The following GALNT18 variants were observed in gnomAD, a reference collection of about 807,000 sequenced individuals.
GALNT18 encodes GalNAc-transferase 18.
GALNT18 carries 44 observed loss-of-function variants against 69.5 expected under a neutral mutation model. The ratio of observed to expected loss-of-function variants is 0.63; its 90% confidence interval spans 0.50 to 0.81. GALNT18 has a LOEUF of 0.81. GALNT18 is among the 40% of genes least tolerant of loss of function. GALNT18 has a pLI of 0.00. For synonymous variants in GALNT18, 364 were observed against 318.2 expected (o/e 1.14, Z -1.53); for missense variants, 715 against 810.0 (o/e 0.88, Z 1.42).
In GALNT18 at chr11:11,600,667, A is replaced by G. The variant is rs1859611352; in HGVS notation, c.235+20692T>C. The stretch of plus-strand genomic sequence containing the variant: ...GAACCTTGTTGAGCTTCTTGGATAT[A>G]AAGATTAATATTCTTTCTCAAATTT... On this transcript the variant is annotated intron_variant, in intron 1 of 10. Transcript: ENST00000227756. This position sits in a 1 kb window ranked among gnomAD's most constrained non-coding sequence, Gnocchi z 4.8. Among the ~76,000 whole-genome samples the G allele has an allele frequency of 6.6e-6, 1 of 152,124 alleles. No homozygotes were observed. Among genetic ancestry groups the G allele is most frequent in the African/African-American group, 2.4e-5 (1 of 41,452 alleles).
chr11:11,302,715 G>T (rs922166052), intron 9 of GALNT18, among the ~76,000 whole-genome samples: 2 of 152,246 alleles, frequency 1.3e-5, no homozygotes, highest in African/African-American at 4.8e-5. Flanking sequence ...CGTGCTGCTG[G>T]CAGAACAAAA....
rs115424538 is a variant in GALNT18 at position 11,286,276 on chromosome 11, A to G, written c.1677+6753T>C. On this transcript the variant is annotated intron_variant, in intron 10 of 10. Coordinates refer to ENST00000227756, the MANE Select transcript of GALNT18 (RefSeq NM_198516.3). ...ATGCAATATGCATATCTGTTTTAGTATAAAATATTTCCACCTCTCTCCTCC... is the reference window on the plus strand; with the variant it reads ...ATGCAATATGCATATCTGTTTTAGTGTAAAATATTTCCACCTCTCTCCTCC... 2.5e-3 allele frequency among the ~76,000 whole-genome samples: 381 copies of G among 152,360 alleles called. 1 individual carries two copies. The highest frequency in any genetic ancestry group is 8.7e-3 in the African/African-American group (361 of 41,582).
At position 11,620,575 on chromosome 11, in the gene GALNT18, C is replaced by G. The variant is rs1204003904; in HGVS notation, c.235+784G>C. 6.6e-6 allele frequency among the ~76,000 whole-genome samples: 1 copy of G among 152,166 alleles called. No homozygotes were observed. Among genetic ancestry groups the G allele is most frequent in the Middle Eastern group, 3.2e-3 (1 of 316 alleles). ...CTGAGAGTGGAGCTACAGTAGGGAT[C>G]GGCCTTCACCCGGTCCCGGGCGGCT... On this transcript the variant is annotated intron_variant, in intron 1 of 10. Coordinates refer to ENST00000227756, the MANE Select transcript of GALNT18 (RefSeq NM_198516.3). The surrounding 1 kb of genome is among the most constrained non-coding windows in gnomAD (Gnocchi z 6.9).
At chr11:11,561,819 G>A (rs1858515409) in intron 1 of GALNT18, among the ~76,000 whole-genome samples, 1 of 152,188 alleles carries the variant, frequency 6.6e-6, no homozygotes, top group Non-Finnish European at 1.5e-5. Context: ...TGCCTACTTG[G>A]AAAGCAAAGA....
rs939939906 is a variant in GALNT18 at position 11,604,742 on chromosome 11, G to A, written c.235+16617C>T. ...AATTTGGGAAGCTTTTCTGCCCCAG[G>A]GAAGAATCAGCCTCAATGACAGTTT... On this transcript the variant is annotated intron_variant, in intron 1 of 10. Coordinates refer to ENST00000227756, the MANE Select transcript of GALNT18 (RefSeq NM_198516.3). The surrounding 1 kb of genome is among the most constrained non-coding windows in gnomAD (Gnocchi z 5.6). Among the ~76,000 whole-genome samples, 3 of 152,102 alleles carry A rather than the reference G, an allele frequency of 2.0e-5. No homozygotes were observed. The highest frequency in any genetic ancestry group is 6.5e-5 in the Admixed American group (1 of 15,270).
intron 1 of GALNT18, among the ~76,000 whole-genome samples, chr11:11,501,309 G>C (rs1322549538): frequency 6.6e-6 from 1 of 152,168 alleles, no homozygotes; most frequent in African/African-American, 2.4e-5. Flanking sequence ...ATTTAACCAA[G>C]ACATCGATGG....
At chr11:11,328,235 G>T (rs1406756041) in intron 8 of GALNT18, among the ~76,000 whole-genome samples, 1 of 152,200 alleles carries the variant, frequency 6.6e-6, no homozygotes, top group East Asian at 1.9e-4. Context: ...ATGTCCAGCT[G>T]CATTTCACTT....
At position 11,541,905 on chromosome 11, in the gene GALNT18, G is replaced by A. The variant is rs1226486411; in HGVS notation, c.235+79454C>T. On this transcript the variant is annotated intron_variant, in intron 1 of 10. Coordinates refer to ENST00000227756, the MANE Select transcript of GALNT18 (RefSeq NM_198516.3). The surrounding 1 kb of genome is among the most constrained non-coding windows in gnomAD (Gnocchi z 4.8). ...CCAGAGAGCTGTCCTGACACACCTC[G>A]CTGGCCACAACCTCCTGCAGGAGAA... 6.6e-6 allele frequency among the ~76,000 whole-genome samples: 1 copy of A among 152,016 alleles called. No homozygotes were observed. The highest frequency in any genetic ancestry group is 1.5e-5 in the Non-Finnish European group (1 of 68,004).
chr11:11,530,619 C>G lies in GALNT18; in HGVS notation c.236-81683G>C, dbSNP rs28474778. ...AGACTAAGGAGTTCTCCAGACCTCC[C>G]AGACCACATAGAGCTGGGACTGGAG... On this transcript the variant is annotated intron_variant, in intron 1 of 10. Coordinates refer to ENST00000227756, the MANE Select transcript of GALNT18 (RefSeq NM_198516.3). Among the ~76,000 whole-genome samples the G allele has an allele frequency of 2.2e-3, 328 of 152,354 alleles. 4 individuals are homozygous for G. Among genetic ancestry groups the G allele is most frequent in the African/African-American group, 7.7e-3 (319 of 41,578 alleles).
intron 1 of GALNT18, among the ~76,000 whole-genome samples, chr11:11,502,801 G>A (rs1010526209): frequency 1.2e-4 from 19 of 152,208 alleles, no homozygotes; most frequent in Non-Finnish European, 2.6e-4. Flanking sequence ...GAGAGGCGTA[G>A]CGTATCCTCA....
chr11:11,575,580 G>A (rs531787034), intron 1 of GALNT18, among the ~76,000 whole-genome samples: 25 of 152,246 alleles, frequency 1.6e-4, no homozygotes, highest in South Asian at 4.2e-4. Flanking sequence ...AATTCCTTTC[G>A]GGCAAACGTT....
At chr11:11,490,393 G>A (rs1856743300) in intron 1 of GALNT18, among the ~76,000 whole-genome samples, 1 of 152,096 alleles carries the variant, frequency 6.6e-6, no homozygotes, top group Non-Finnish European at 1.5e-5. Flanking sequence ...ATTCTCCAGT[G>A]TCAAGTATTC....
chr11:11,480,544 T>C lies in GALNT18; in HGVS notation c.236-31608A>G, dbSNP rs1856503285. On this transcript the variant is annotated intron_variant, in intron 1 of 10. Transcript: ENST00000227756. The surrounding 1 kb of genome is among the most constrained non-coding windows in gnomAD (Gnocchi z 4.6). The stretch of plus-strand genomic sequence containing the variant: ...AACGTATCAGACACTCTGCTTCTAG[T>C]GTCTGGTTAGAAAGAGGCTCTGAGC... Among the ~76,000 whole-genome samples the C allele has an allele frequency of 1.9e-4, 2 of 10,606 alleles. No homozygotes were observed. Among genetic ancestry groups the C allele is most frequent in the South Asian group, 0.12 (2 of 16 alleles). 7.0% of individuals were successfully genotyped at this position (10,606 alleles called of 152,430 possible). A position where few individuals can be genotyped will look rare whatever the true frequency, so the allele number is the denominator to read the frequency against.
chr11:11,582,632 G>A lies in GALNT18; in HGVS notation c.235+38727C>T, dbSNP rs1044647023. On this transcript the variant is annotated intron_variant, in intron 1 of 10. Transcript: ENST00000227756. This position sits in a 1 kb window ranked among gnomAD's most constrained non-coding sequence, Gnocchi z 5.0. ...GATTGTAGATATCGTGTGAAGCAGC[G>A]CAGACTTTCAGTATGCAGTAGAAAT... Among the ~76,000 whole-genome samples the A allele has an allele frequency of 1.3e-5, 2 of 152,198 alleles. No homozygotes were observed. Among genetic ancestry groups the A allele is most frequent in the East Asian group, 1.9e-4 (1 of 5,192 alleles).
At chr11:11,474,020 C>A (rs889166982) in intron 1 of GALNT18, among the ~76,000 whole-genome samples, 5 of 152,040 alleles carry the variant, frequency 3.3e-5, no homozygotes, top group Admixed American at 6.6e-5. Context: ...AGCCCAGATC[C>A]GACACTGCAC....
chr11:11,281,136 G>C (rs1378303011), intron 10 of GALNT18, among the ~76,000 whole-genome samples: 8 of 152,318 alleles, frequency 5.3e-5, no homozygotes, highest in African/African-American at 1.9e-4. Context: ...CGCAGGCAGG[G>C]GACCAAAACC....
intron 1 of GALNT18, among the ~76,000 whole-genome samples, chr11:11,556,103 C>T (rs950982813): frequency 6.6e-6 from 1 of 152,104 alleles, no homozygotes; most frequent in Non-Finnish European, 1.5e-5. Context: ...AAACTAAGAC[C>T]CAGAAAAGGG....
At chr11:11,525,259 A>G (rs1320946334) in intron 1 of GALNT18, among the ~76,000 whole-genome samples, 2 of 152,124 alleles carry the variant, frequency 1.3e-5, no homozygotes, top group African/African-American at 4.8e-5. Context: ...GGAAACGCGA[A>G]TGACTGAAAG....
At chr11:11,364,385 G>C (rs1473514543) in intron 6 of GALNT18, among the ~76,000 whole-genome samples, 1 of 152,154 alleles carries the variant, frequency 6.6e-6, no homozygotes, top group Non-Finnish European at 1.5e-5. Context: ...AAATATTCTT[G>C]CTACAAAATT....
Sources: allele counts gnomAD v4.1 joint callset (sites outside exome capture counted in the v4.1 genomes callset), GRCh38; gene constraint gnomAD v4.1.1; non-coding constraint Gnocchi (gnomAD v3.1); transcripts MANE v1.5; gene names NCBI Gene and HGNC (gene_info 2026-07-23, HGNC 2026-07-21).